ITIH5: variants seen among roughly 807,000 people sequenced by gnomAD.
The protein encoded by ITIH5 is inter-alpha-trypsin inhibitor heavy chain H5.
In ITIH5, 65 loss-of-function variants were observed where a neutral mutation model predicts 77.5. That is an observed-to-expected ratio of 0.84 (90% CI 0.69 to 1.03). The LOEUF (loss-of-function observed/expected upper bound fraction) is 1.03, where lower values mean the gene tolerates loss of function less well. Among genes scored for constraint, ITIH5 ranks in the 50% least tolerant of loss-of-function variants. ITIH5 has a pLI of 0.00. For missense variants in ITIH5, 1,208 were observed against 1,213.1 expected (o/e 1.00, Z 0.06); for synonymous variants, 525 against 494.3 (o/e 1.06, Z -0.82).
At chr10:7,576,417 C>T (rs3818783) in intron 10 of ITIH5, 36 bp downstream of exon 10, 488,902 of 1,479,090 alleles carry the variant, frequency 0.33, 85,816 homozygotes, top group East Asian at 0.62. Context: ...CTCAGGCCCG[C>T]GTCCCCCACA....
intron 7 of ITIH5, among the ~76,000 whole-genome samples, chr10:7,588,768 C>A (rs1339114199): frequency 6.6e-6 from 1 of 152,250 alleles, no homozygotes; most frequent in African/African-American, 2.4e-5. Context: ...GCTTCCTACT[C>A]CCTAGGCATA....
chr10:7,602,506 G>T (rs1395387738), intron 7 of ITIH5, among the ~76,000 whole-genome samples: 1 of 152,262 alleles, frequency 6.6e-6, no homozygotes, highest in Non-Finnish European at 1.5e-5. Flanking sequence ...AGATCTGACG[G>T]TTTTTTAAGC....
chr10:7,578,630 G>A (rs920485710), intron 9 of ITIH5: 1 of 152,104 alleles, frequency 6.6e-6, no homozygotes, highest in Non-Finnish European at 1.5e-5. Flanking sequence ...CACACCTTAG[G>A]TGTCTCCATT....
chr10:7,663,655 C>T (rs1834315331), intron 1 of ITIH5, among the ~76,000 whole-genome samples: 1 of 152,120 alleles, frequency 6.6e-6, no homozygotes, highest in Non-Finnish European at 1.5e-5. Flanking sequence ...AAACTTTACT[C>T]TCCTCCCAAA....
chr10:7,582,800 T>C (rs527534959), intron 8 of ITIH5, among the ~76,000 whole-genome samples: 1 of 152,158 alleles, frequency 6.6e-6, no homozygotes, highest in Non-Finnish European at 1.5e-5. Flanking sequence ...CGATTGAACT[T>C]ATGGAGATAA....
chr10:7,622,945 T>C (rs1833497474), intron 5 of ITIH5, among the ~76,000 whole-genome samples: 2 of 152,222 alleles, frequency 1.3e-5, no homozygotes. Flanking sequence ...ACAAAGTACT[T>C]TATAGCTTGT....
chr10:7,619,649 G>A (rs546780362), intron 5 of ITIH5: 29 of 332,400 alleles, frequency 8.7e-5, no homozygotes, highest in African/African-American at 5.5e-4. Context: ...AAGCGAACAC[G>A]TCTACAAGGC....
rs201047256 is a variant in ITIH5 at position 7,644,486 on chromosome 10, T to C, written c.136-2396A>G. Among the ~76,000 whole-genome samples, 13 of 139,538 alleles carry C rather than the reference T, an allele frequency of 9.3e-5. No individual in the cohort carries two copies. In the East Asian group the frequency reaches 2.6e-3, roughly 28 times the overall value. 91.5% of individuals were successfully genotyped at this position (139,538 alleles called of 152,430 possible). Reference sequence around the variant, plus strand: ...CACATATAGATCATATATAATCACATATATATCATAATCACATATATATGA... The same window carrying C: ...CACATATAGATCATATATAATCACACATATATCATAATCACATATATATGA... On this transcript the variant is annotated intron_variant, in intron 2 of 13. Transcript: ENST00000397146.
chr10:7,639,479 A>G (rs1833848979), intron 4 of ITIH5, among the ~76,000 whole-genome samples: 1 of 152,266 alleles, frequency 6.6e-6, no homozygotes, highest in Admixed American at 6.5e-5. Context: ...CCTCCAGACA[A>G]GAGTGAGGCA....
chr10:7,579,958 C>T lies in ITIH5; in HGVS notation c.1215G>A (p.Thr405=), dbSNP rs112675855. ...DRSVSLIVFL[T]DGKPTVGETH... is the part of the protein sequence containing the mutation. Reference sequence around the variant, plus strand: ...TCTCCCCGACCGTGGGCTTCCCATCCGTCAGGAAGACGATGAGGGACACGC... The same window carrying T: ...TCTCCCCGACCGTGGGCTTCCCATCTGTCAGGAAGACGATGAGGGACACGC... The change falls in exon 9 of 14, where the codon ACG becomes ACA. Residue 405 remains threonine (T), a synonymous_variant. Coordinates refer to ENST00000397146, the MANE Select transcript of ITIH5 (RefSeq NM_030569.7). The T allele has an allele frequency of 2.3e-5, 37 of 1,614,060 alleles. No homozygotes were observed. Among genetic ancestry groups the T allele is most frequent in the African/African-American group, 2.3e-4 (17 of 74,912 alleles).
intron 5 of ITIH5, chr10:7,618,114 C>T (rs766438040): frequency 6.6e-6 from 1 of 152,028 alleles, no homozygotes; most frequent in Non-Finnish European, 1.5e-5. Flanking sequence ...CAGGCACACA[C>T]CAGCATACCT....
intron 1 of ITIH5, among the ~76,000 whole-genome samples, chr10:7,663,195 C>A (rs1834306932): frequency 6.6e-6 from 1 of 152,200 alleles, no homozygotes; most frequent in Non-Finnish European, 1.5e-5. Context: ...CCAGGCTTTG[C>A]ACATAGTAGG....
chr10:7,665,123 T>C (rs1381195623), intron 1 of ITIH5, among the ~76,000 whole-genome samples: 1 of 152,230 alleles, frequency 6.6e-6, no homozygotes, highest in Non-Finnish European at 1.5e-5. Context: ...ATTTTCAAGA[T>C]AAATAAATAT....
chr10:7,647,657 T>C (rs1050068048), intron 2 of ITIH5, among the ~76,000 whole-genome samples: 1 of 152,218 alleles, frequency 6.6e-6, no homozygotes, highest in Admixed American at 6.5e-5. Context: ...GAGTGAAATT[T>C]AGTTATTTTA....
intron 7 of ITIH5, among the ~76,000 whole-genome samples, chr10:7,595,000 C>A (rs1052641224): frequency 1.3e-5 from 2 of 152,188 alleles, no homozygotes; most frequent in Non-Finnish European, 2.9e-5. Context: ...AGTGAATGGG[C>A]GTCATCTCTG....
rs113187796 is a variant in ITIH5, at chr10:7,644,857, G to A, written c.136-2767C>T. 4.1e-3 allele frequency among the ~76,000 whole-genome samples: 291 copies of A among 71,350 alleles called. 5 individuals carry two copies. The highest frequency in any genetic ancestry group is 0.032 in the South Asian group (61 of 1,918). The allele number at this position is 71,350 out of a possible 152,430, so 46.8% of individuals were successfully genotyped here. A position where few individuals can be genotyped will look rare whatever the true frequency, so the allele number is the denominator to read the frequency against. ...TATATATCACATATATATCACATAT[G>A]TATCACATATATATCACATATATAT... On this transcript the variant is annotated intron_variant, in intron 2 of 13. Coordinates refer to ENST00000397146, the MANE Select transcript of ITIH5 (RefSeq NM_030569.7).
chr10:7,596,838 A>G lies in ITIH5; in HGVS notation c.940-10769T>C, dbSNP rs138881491. On this transcript the variant is annotated intron_variant, in intron 7 of 13. Coordinates refer to ENST00000397146, the MANE Select transcript of ITIH5 (RefSeq NM_030569.7). ...CGAGGAAGGACGATCACCTGAGGTC[A>G]GGAGTTTGAGACCAGCCTGGCCAAC... Among the ~76,000 whole-genome samples the G allele has an allele frequency of 5.2e-3, 798 of 152,110 alleles. 6 individuals are homozygous for G. Among genetic ancestry groups the G allele is most frequent in the African/African-American group, 0.018 (751 of 41,502 alleles).
chr10:7,573,510 A>AT (rs1015625050), intron 10 of ITIH5, among the ~76,000 whole-genome samples: 10 of 151,474 alleles, frequency 6.6e-5, no homozygotes, highest in African/African-American at 2.4e-4. Context: ...CTACAAAAAA[A>AT]AAATAAATAA....
intron 7 of ITIH5, among the ~76,000 whole-genome samples, chr10:7,613,245 CAAAAAAA>C (rs58021308): frequency 7.0e-6 from 1 of 143,552 alleles, no homozygotes; most frequent in Non-Finnish European, 1.5e-5. Context: ...GACTTCGTCT[CAAAAAAA>C]AAAAAAAAAA....
Sources: allele counts gnomAD v4.1 joint callset (sites outside exome capture counted in the v4.1 genomes callset), GRCh38; gene constraint gnomAD v4.1.1; transcripts MANE v1.5; gene names NCBI Gene and HGNC (gene_info 2026-07-23, HGNC 2026-07-21).